Variants in NRXN3 observed in about 807,000 individuals in gnomAD.
NRXN3 encodes the protein neurexin III.
Under a neutral mutation model 137.6 loss-of-function variants are expected in NRXN3, and 32 were observed. That is an observed-to-expected ratio of 0.23 (90% CI 0.18 to 0.31). NRXN3 has a LOEUF of 0.31. Ranked by LOEUF, NRXN3 falls within the 10% of genes least tolerant of loss-of-function variation. The pLI is 1.00. For synonymous variants in NRXN3, 798 were observed against 784.5 expected, an observed-to-expected ratio of 1.02 and a Z score of -0.29; for missense variants, 1,574 against 2,062.5, an observed-to-expected ratio of 0.76 and a Z score of 4.59.
intron 14 of NRXN3, among the ~76,000 whole-genome samples, chr14:78,969,814 AGTGTGTGTGTGTGTGTGTGTGT>A (rs376306137): frequency 7.1e-6 from 1 of 141,502 alleles, no homozygotes; most frequent in East Asian, 2.1e-4. Flanking sequence ...TGTACTATGT[AGTGTGTGTGTGTGTGTGTGTGT>A]GTGTGTGTGT....
At chr14:79,238,208 A>T (rs1487423156) in intron 15 of NRXN3, among the ~76,000 whole-genome samples, 1 of 152,174 alleles carries the variant, frequency 6.6e-6, no homozygotes, top group African/African-American at 2.4e-5. Flanking sequence ...TATTTTTTAA[A>T]CAAAAGGACT....
At chr14:79,061,001 C>T (rs977513853) in intron 15 of NRXN3, among the ~76,000 whole-genome samples, 8 of 152,130 alleles carry the variant, frequency 5.3e-5, no homozygotes, top group Admixed American at 6.5e-5. Flanking sequence ...CAGTGTCTAT[C>T]GTGGGACATA....
intron 16 of NRXN3, among the ~76,000 whole-genome samples, chr14:79,575,048 G>A (rs978528116): frequency 4.6e-5 from 7 of 152,060 alleles, no homozygotes; most frequent in African/African-American, 1.7e-4. Context: ...ATAAAAATTT[G>A]AGGATCTTAT....
intron 10 of NRXN3, among the ~76,000 whole-genome samples, chr14:78,879,329 T>C (rs1338233311): frequency 6.6e-6 from 1 of 152,222 alleles, no homozygotes; most frequent in Non-Finnish European, 1.5e-5. Context: ...AACAGCAGTA[T>C]ACCAGGGTTC....
At chr14:78,605,582 C>T (rs1371317792) in intron 4 of NRXN3, among the ~76,000 whole-genome samples, 2 of 152,212 alleles carry the variant, frequency 1.3e-5, no homozygotes, top group East Asian at 3.9e-4. Context: ...AACTTTATTA[C>T]ACATGATCAT....
At chr14:79,055,393 T>C (rs1286222184) in intron 15 of NRXN3, among the ~76,000 whole-genome samples, 1 of 152,184 alleles carries the variant, frequency 6.6e-6, no homozygotes, top group African/African-American at 2.4e-5. Context: ...GGTGAATAAA[T>C]GGAAGTTAAA....
At chr14:78,634,907 T>C (rs1367885497) in intron 4 of NRXN3, among the ~76,000 whole-genome samples, 1 of 152,214 alleles carries the variant, frequency 6.6e-6, no homozygotes, top group East Asian at 1.9e-4. Flanking sequence ...ATATTCATTA[T>C]TCTCTATATA....
At chr14:78,963,844 C>T (rs948837958) in intron 11 of NRXN3, among the ~76,000 whole-genome samples, 4 of 152,108 alleles carry the variant, frequency 2.6e-5, no homozygotes, top group African/African-American at 9.7e-5. Context: ...GGCTGGAGTG[C>T]AGCCTCAAAC....
intron 15 of NRXN3, among the ~76,000 whole-genome samples, chr14:79,079,684 A>G (rs2046580626): frequency 6.6e-6 from 1 of 152,178 alleles, no homozygotes. Flanking sequence ...ATAGGCAGGT[A>G]AAGAGATCAA....
chr14:79,716,629 A>C (rs2098824527), intron 19 of NRXN3, among the ~76,000 whole-genome samples: 2 of 152,058 alleles, frequency 1.3e-5, no homozygotes, highest in Admixed American at 6.5e-5. Context: ...CCTGCAGTCT[A>C]ATTAGCCCCT....
At chr14:79,555,185 T>C (rs2153752426) in intron 16 of NRXN3, among the ~76,000 whole-genome samples, 1 of 151,766 alleles carries the variant, frequency 6.6e-6, no homozygotes, top group South Asian at 2.1e-4. Flanking sequence ...TCTGAATGGG[T>C]GGAAAACAGA....
chr14:78,598,340 T>C (rs1268938656), intron 4 of NRXN3, among the ~76,000 whole-genome samples: 1 of 151,592 alleles, frequency 6.6e-6, no homozygotes, highest in Non-Finnish European at 1.5e-5. Context: ...CGGGATTCTT[T>C]CAGCACAACT....
chr14:78,575,081 C>T (rs925318366), intron 4 of NRXN3, among the ~76,000 whole-genome samples: 4 of 152,132 alleles, frequency 2.6e-5, no homozygotes, highest in Admixed American at 2.0e-4. Flanking sequence ...AGGGGCTTCC[C>T]TGTTTGCTTG....
intron 16 of NRXN3, among the ~76,000 whole-genome samples, chr14:79,499,383 TG>T (rs1162186195): frequency 3.3e-5 from 5 of 152,180 alleles, no homozygotes; most frequent in African/African-American, 1.2e-4. Context: ...CATAGTGAGA[TG>T]TCAGCTCAGA....
At chr14:79,762,042 A>G (rs571310060) in intron 19 of NRXN3, among the ~76,000 whole-genome samples, 2 of 151,736 alleles carry the variant, frequency 1.3e-5, no homozygotes, top group East Asian at 3.9e-4. Context: ...TGATTTGTGT[A>G]AGATGTCTAG....
chr14:79,293,579 G>A (rs1255086810), intron 15 of NRXN3, among the ~76,000 whole-genome samples: 1 of 152,226 alleles, frequency 6.6e-6, no homozygotes. Flanking sequence ...TAGCACTCAG[G>A]CTTTCCAGGT....
chr14:78,687,263 G>T (rs751501875), intron 6 of NRXN3, among the ~76,000 whole-genome samples: 6 of 152,218 alleles, frequency 3.9e-5, no homozygotes, highest in Non-Finnish European at 8.8e-5. Flanking sequence ...TTTAGCAAGG[G>T]AGTGACTGGT....
At chr14:78,932,682 T>G (rs2099325619) in intron 10 of NRXN3, among the ~76,000 whole-genome samples, 1 of 152,214 alleles carries the variant, frequency 6.6e-6, no homozygotes, top group Non-Finnish European at 1.5e-5. Flanking sequence ...GCAATGTACT[T>G]GTACAGTAGG....
At chr14:79,395,040 A>G (rs2094972576) in intron 15 of NRXN3, among the ~76,000 whole-genome samples, 1 of 152,178 alleles carries the variant, frequency 6.6e-6, no homozygotes, top group Non-Finnish European at 1.5e-5. Flanking sequence ...CTTTAGCCTC[A>G]ATTTCATTTT....
Sources: allele counts gnomAD v4.1 joint callset (sites outside exome capture counted in the v4.1 genomes callset), GRCh38; gene constraint gnomAD v4.1.1; transcripts MANE v1.5; gene names NCBI Gene and HGNC (gene_info 2026-07-23, HGNC 2026-07-21).